PIP5K1B: variants seen among roughly 807,000 people sequenced by gnomAD.
The protein encoded by PIP5K1B is phosphatidylinositol 4-phosphate 5-kinase type-1 beta.
PIP5K1B carries 42 observed loss-of-function variants against 67.0 expected under a neutral mutation model. That is an observed-to-expected ratio of 0.63 (90% CI 0.49 to 0.81). The LOEUF is 0.81. PIP5K1B is among the 30% of genes least tolerant of loss of function. PIP5K1B has a pLI of 0.00. For missense variants in PIP5K1B, 459 were observed against 646.3 expected, an observed-to-expected ratio of 0.71 and a Z score of 3.14; for synonymous variants, 214 against 231.4, an observed-to-expected ratio of 0.92 and a Z score of 0.68.
At chr9:68,949,418 T>C (rs996510753) in intron 14 of PIP5K1B, among the ~76,000 whole-genome samples, 1 of 152,196 alleles carries the variant, frequency 6.6e-6, no homozygotes, top group African/African-American at 2.4e-5. Flanking sequence ...AATAAACTCT[T>C]CTCCCCTCTC....
At chr9:68,883,898 G>A (rs947319046) in intron 6 of PIP5K1B, among the ~76,000 whole-genome samples, 6 of 152,032 alleles carry the variant, frequency 3.9e-5, no homozygotes, top group Non-Finnish European at 8.8e-5. Context: ...ACACACAATG[G>A]GGAAAGGATA....
At chr9:68,967,604 G>A (rs964571839) in intron 14 of PIP5K1B, among the ~76,000 whole-genome samples, 12 of 152,072 alleles carry the variant, frequency 7.9e-5, no homozygotes, top group East Asian at 5.8e-4. Flanking sequence ...AATATTTATC[G>A]AGCCTCTACC....
At chr9:68,961,431 T>G (rs1828741616) in intron 14 of PIP5K1B, among the ~76,000 whole-genome samples, 1 of 152,214 alleles carries the variant, frequency 6.6e-6, no homozygotes, top group South Asian at 2.1e-4. Context: ...TTAAAGCAAC[T>G]AATTATATGG....
At chr9:68,871,490 G>C (rs973244101) in intron 5 of PIP5K1B, among the ~76,000 whole-genome samples, 3 of 152,170 alleles carry the variant, frequency 2.0e-5, no homozygotes, top group African/African-American at 7.2e-5. Context: ...TTGCCATTAA[G>C]ATATATGTAT....
At chr9:68,913,871 T>TAA (rs755107162) in intron 8 of PIP5K1B, among the ~76,000 whole-genome samples, 1 of 147,654 alleles carries the variant, frequency 6.8e-6, no homozygotes, top group African/African-American at 2.5e-5. Context: ...ATTTATTCTT[T>TAA]AAAAAAAAAA....
intron 2 of PIP5K1B, among the ~76,000 whole-genome samples, chr9:68,791,418 T>C (rs1831964188): frequency 6.6e-6 from 1 of 152,168 alleles, no homozygotes; most frequent in South Asian, 2.1e-4. Context: ...AAATGTTCTC[T>C]TGGACTATTA....
intron 3 of PIP5K1B, among the ~76,000 whole-genome samples, chr9:68,820,292 A>T (rs1050941304): frequency 1.3e-5 from 2 of 152,238 alleles, no homozygotes; most frequent in African/African-American, 4.8e-5. Flanking sequence ...TTATAAAGAG[A>T]CTAGAAAAAT....
chr9:68,983,659 C>T (rs1301830460), intron 14 of PIP5K1B, among the ~76,000 whole-genome samples: 1 of 152,122 alleles, frequency 6.6e-6, no homozygotes, highest in Non-Finnish European at 1.5e-5. Flanking sequence ...CAGCTGGGAG[C>T]AGTAGTAGCT....
intron 8 of PIP5K1B, among the ~76,000 whole-genome samples, chr9:68,897,880 C>G (rs890096471): frequency 3.3e-5 from 5 of 152,108 alleles, no homozygotes; most frequent in Non-Finnish European, 4.4e-5. Flanking sequence ...GAGTGCTGGC[C>G]GGAAGGGCCA....
chr9:68,832,976 G>A (rs964151303), intron 4 of PIP5K1B, among the ~76,000 whole-genome samples: 4 of 152,194 alleles, frequency 2.6e-5, no homozygotes, highest in Non-Finnish European at 5.9e-5. Flanking sequence ...TTAGTGCCTA[G>A]AATGTATGAC....
rs770056464 is a variant in PIP5K1B at position 68,958,155 on chromosome 9, G to A, written c.1502+17365G>A. ...CCCAAAGTGCTGGGATTACAGGCAC[G>A]AGCCATCACAACTGGCCAAGGAGCT... On this transcript the variant is annotated intron_variant, in intron 14 of 15. Coordinates refer to ENST00000265382, the MANE Select transcript of PIP5K1B (RefSeq NM_003558.4). Among the ~76,000 whole-genome samples the A allele has an allele frequency of 3.3e-5, 5 of 152,278 alleles. No individual in the cohort carries two copies. The East Asian group carries it at 5.8e-4, about 18-fold the overall frequency.
intron 7 of PIP5K1B, among the ~76,000 whole-genome samples, chr9:68,889,350 AG>A (rs1485359509): frequency 1.3e-5 from 2 of 152,170 alleles, no homozygotes; most frequent in Non-Finnish European, 2.9e-5. Context: ...CACAATCCTG[AG>A]TTCAAATCCC....
intron 2 of PIP5K1B, among the ~76,000 whole-genome samples, chr9:68,775,370 T>C (rs1025636605): frequency 5.3e-5 from 8 of 152,238 alleles, no homozygotes; most frequent in African/African-American, 1.9e-4. Context: ...GGAAGCACTT[T>C]ACAGCTTCTA....
chr9:68,838,810 T>C (rs1050386436), intron 4 of PIP5K1B, among the ~76,000 whole-genome samples: 2 of 152,214 alleles, frequency 1.3e-5, no homozygotes, highest in African/African-American at 4.8e-5. Context: ...GGCTTTTTCA[T>C]ATAATTTAAG....
intron 11 of PIP5K1B, among the ~76,000 whole-genome samples, chr9:68,920,246 A>G (rs1220659488): frequency 6.6e-6 from 1 of 152,134 alleles, no homozygotes; most frequent in Non-Finnish European, 1.5e-5. Context: ...GGACAAAAAA[A>G]TGCATTTCAG....
At chr9:68,735,918 G>A (rs1382782884) in intron 1 of PIP5K1B, among the ~76,000 whole-genome samples, 17 of 152,198 alleles carry the variant, frequency 1.1e-4, no homozygotes, top group Admixed American at 1.1e-3. Context: ...AGCAAACAGT[G>A]CAAAAGCCTG....
chr9:68,735,020 A>C (rs970444649), intron 1 of PIP5K1B, among the ~76,000 whole-genome samples: 2 of 152,216 alleles, frequency 1.3e-5, no homozygotes, highest in African/African-American at 4.8e-5. Context: ...ATAAATTGCT[A>C]TATTGGATTT....
rs181878932 is a variant in PIP5K1B at position 68,792,726 on chromosome 9, G to A, written c.-85-25735G>A. 2.6e-5 allele frequency among the ~76,000 whole-genome samples: 4 copies of A among 152,202 alleles called. No homozygotes were observed. The South Asian group carries it at 6.2e-4, about 24-fold the overall frequency. On this transcript the variant is annotated intron_variant, in intron 2 of 15. Coordinates refer to ENST00000265382, the MANE Select transcript of PIP5K1B (RefSeq NM_003558.4). ...GATCTCCTGACCTCGTGATCCGCCC[G>A]CCTCGGCCTCCCAAAGTGCTGGGAT... is the stretch of plus-strand genomic sequence containing the variant.
chr9:68,855,981 T>TGG (rs1485456178), intron 4 of PIP5K1B, among the ~76,000 whole-genome samples: 2 of 152,242 alleles, frequency 1.3e-5, no homozygotes, highest in African/African-American at 4.8e-5. Context: ...CTTATAGTTC[T>TGG]GGAGGTCAAA....
Sources: allele counts gnomAD v4.1 joint callset (sites outside exome capture counted in the v4.1 genomes callset), GRCh38; gene constraint gnomAD v4.1.1; transcripts MANE v1.5; gene names NCBI Gene and HGNC (gene_info 2026-07-23, HGNC 2026-07-21).